MYLK3: variants seen among roughly 807,000 people sequenced by gnomAD.
The protein encoded by MYLK3 is myosin light chain kinase 3, also known as MLC kinase.
MYLK3 carries 55 observed loss-of-function variants against 76.3 expected under a neutral mutation model. That is an observed-to-expected ratio of 0.72 (90% CI 0.58 to 0.90). The LOEUF is 0.90. Among genes scored for constraint, MYLK3 ranks in the 40% least tolerant of loss-of-function variants. The pLI, the probability that MYLK3 is intolerant of heterozygous loss-of-function variation, is 0.00. For missense variants in MYLK3, 973 were observed against 1,053.6 expected, an observed-to-expected ratio of 0.92 and a Z score of 1.06; for synonymous variants, 416 against 425.4, an observed-to-expected ratio of 0.98 and a Z score of 0.27.
intron 1 of MYLK3, among the ~76,000 whole-genome samples, chr16:46,758,298 ACACACACTCTCTCT>A (rs764181077): frequency 2.3e-3 from 130 of 56,204 alleles, no homozygotes; most frequent in Non-Finnish European, 2.2e-3. Flanking sequence ...ACACACACAC[ACACACACTCTCTCT>A]CTCTCTCTCT....
chr16:46,759,604 C>G (rs1403155706), intron 1 of MYLK3, among the ~76,000 whole-genome samples: 1 of 151,628 alleles, frequency 6.6e-6, no homozygotes, highest in Non-Finnish European at 1.5e-5. Flanking sequence ...TCTTTTCTTT[C>G]CTATTTTTTC....
At chr16:46,750,678 G>C (rs911925362), upstream of MYLK3, among the ~76,000 whole-genome samples, 2 of 152,066 alleles carry the variant, frequency 1.3e-5, no homozygotes, top group Non-Finnish European at 2.9e-5. Flanking sequence ...TGGTGACAGA[G>C]CAAGACTGTG....
At chr16:46,715,491 T>G (rs973824725) in intron 9 of MYLK3, among the ~76,000 whole-genome samples, 1 of 152,224 alleles carries the variant, frequency 6.6e-6, no homozygotes, top group African/African-American at 2.4e-5. Flanking sequence ...TAAGGTCAAA[T>G]AGGAGACCGT....
Position 46,710,775 on chromosome 16 carries a change from G to T in MYLK3, c.2129C>A (p.Ser710Tyr). The T allele has an allele frequency of 1.2e-6, 2 of 1,606,186 alleles. No individual in the cohort carries two copies. Among genetic ancestry groups the T allele is most frequent in the Non-Finnish European group, 1.7e-6 (2 of 1,177,836 alleles). Residue 710 changes from serine to tyrosine, a missense_variant, in exon 11 of 13, where the codon TCC becomes TAC. Around this residue, in one of 2 missense-constraint regions of MYLK3, gnomAD observed 332 missense variants for 416.6 expected, o/e 0.80. Coordinates refer to ENST00000394809, the MANE Select transcript of MYLK3 (RefSeq NM_182493.3). ...VITYMLLSGLSPFLGETDAET... is the reference protein window; with the variant it reads ...VITYMLLSGLYPFLGETDAET... ...TGCATCTGTTTCCCCTAGAAATGGGGACAAGCCACTGAGTCTATAGAAGAG... is the reference window on the plus strand; with the variant it reads ...TGCATCTGTTTCCCCTAGAAATGGGTACAAGCCACTGAGTCTATAGAAGAG...
rs530813327 is a variant in MYLK3, at chr16:46,745,139, C to A, written c.477+2578G>T. Among the ~76,000 whole-genome samples, 12 of 152,316 alleles carry A rather than the reference C, an allele frequency of 7.9e-5. No homozygotes were observed. In the East Asian group the frequency reaches 2.1e-3, roughly 27 times the overall value. ...AGTAACTTCTTTGAAGGCTGACTTG[C>A]CTTTATCTGTATAAATTTACCATTT... On this transcript the variant is annotated intron_variant, in intron 1 of 12. Coordinates refer to ENST00000394809, the MANE Select transcript of MYLK3 (RefSeq NM_182493.3).
intron 3 of MYLK3, among the ~76,000 whole-genome samples, chr16:46,735,816 T>C (rs777484172): frequency 6.6e-6 from 1 of 152,190 alleles, no homozygotes; most frequent in Non-Finnish European, 1.5e-5. Flanking sequence ...CCAGCAGTCA[T>C]GACTTCCCTT....
At chr16:46,726,742 G>GAA in intron 8 of MYLK3, 3 of 136,280 alleles carry the variant, frequency 2.2e-5, no homozygotes, top group Non-Finnish European at 4.8e-5. Flanking sequence ...AGAAAAGAAA[G>GAA]AGAGAGAGAA....
chr16:46,724,723 G>C (rs1452172070), intron 8 of MYLK3, among the ~76,000 whole-genome samples: 1 of 152,126 alleles, frequency 6.6e-6, no homozygotes, highest in Non-Finnish European at 1.5e-5. Context: ...TTCAAAATTG[G>C]GAAAAGTTAG....
At position 46,707,911 on chromosome 16, in the gene MYLK3, A is replaced by G. The variant is rs1376728510; in HGVS notation, c.2401-148T>C. The G allele has an allele frequency of 7.4e-6, 4 of 540,778 alleles. No individual in the cohort carries two copies. The African/African-American group carries it at 7.8e-5, about 10-fold the overall frequency. The allele number at this position is 540,778 out of a possible 1,614,324, so 33.5% of individuals were successfully genotyped here. On this transcript the variant is annotated intron_variant, in intron 12 of 12. Transcript: ENST00000394809. ...TAAAGGGAAACAAGTTTCTAAAATAATTATAGAATAGTCACATGACTTTCA... is the reference window on the plus strand; with the variant it reads ...TAAAGGGAAACAAGTTTCTAAAATAGTTATAGAATAGTCACATGACTTTCA...
chr16:46,731,789 C>A (rs182986828), intron 4 of MYLK3, among the ~76,000 whole-genome samples: 1 of 152,084 alleles, frequency 6.6e-6, no homozygotes, highest in Non-Finnish European at 1.5e-5. Flanking sequence ...GGGCAGGTGG[C>A]GGTAAGAAAT....
In MYLK3 at chr16:46,738,060, G is replaced by C; in HGVS notation, c.652C>G (p.Gln218Glu). The C allele has an allele frequency of 6.2e-7, 1 of 1,607,332 alleles. No homozygotes were observed. The highest frequency in any genetic ancestry group is 1.1e-5 in the South Asian group (1 of 90,710). The change falls in exon 3 of 13, where the codon CAG becomes GAG. Residue 218 changes from glutamine (Q) to glutamate (E), a missense_variant. This residue lies in a region of MYLK3 where 641 missense variants were observed against 637.0 expected (regional missense o/e 1.01). Transcript: ENST00000394809. ...CCCTGGCCCGGTGAGACCACTGCCT[G>C]GGCGGGGTCAGCTCCCAGCCCTGAC... ...RASGLGADPAQAVVSPGQGDG... is the reference protein window; with the variant it reads ...RASGLGADPAEAVVSPGQGDG...
intron 1 of MYLK3, among the ~76,000 whole-genome samples, chr16:46,756,584 C>A (rs912055181): frequency 6.6e-6 from 1 of 152,132 alleles, no homozygotes; most frequent in Non-Finnish European, 1.5e-5. Flanking sequence ...TTATAACAGT[C>A]GTGTTGCAGC....
chr16:46,758,862 T>C (rs1967240383), intron 1 of MYLK3, among the ~76,000 whole-genome samples: 2 of 152,218 alleles, frequency 1.3e-5, no homozygotes, highest in South Asian at 4.2e-4. Context: ...CTCTGACGGT[T>C]GTCTGAGAAG....
At chr16:46,755,714 T>C (rs1967189079) in intron 1 of MYLK3, among the ~76,000 whole-genome samples, 1 of 152,104 alleles carries the variant, frequency 6.6e-6, no homozygotes, top group Non-Finnish European at 1.5e-5. Context: ...TATACTTCCT[T>C]GTTTGTAACA....
intron 1 of MYLK3, among the ~76,000 whole-genome samples, chr16:46,758,690 G>T (rs1255492804): frequency 2.0e-5 from 3 of 152,172 alleles, no homozygotes; most frequent in African/African-American, 7.2e-5. Flanking sequence ...AGATTCTGAC[G>T]CCCAGAGATG....
Position 46,707,460 on chromosome 16 carries a change from A to AT in MYLK3, c.*243dup. On this transcript the variant is annotated 3_prime_UTR_variant, in exon 13 of 13. Transcript: ENST00000394809. ...CCTACACTTACCACCAAAAGTAGGT[A>AT]TATTTGAAAGGTACTCAGAGCATTT... The AT allele has an allele frequency of 2.3e-6, 1 of 431,078 alleles. No homozygotes were observed. Among genetic ancestry groups the AT allele is most frequent in the Non-Finnish European group, 4.1e-6 (1 of 243,406 alleles). 26.7% of individuals were successfully genotyped at this position (431,078 alleles called of 1,614,324 possible). A position where few individuals can be genotyped will look rare whatever the true frequency, so the allele number is the denominator to read the frequency against.
intron 9 of MYLK3, among the ~76,000 whole-genome samples, chr16:46,717,110 G>T (rs1966748518): frequency 6.6e-6 from 1 of 152,196 alleles, no homozygotes; most frequent in African/African-American, 2.4e-5. Context: ...TCCATCAGAA[G>T]CTCCAGAGGC....
intron 9 of MYLK3, 58 bp from the exon 10 acceptor site, chr16:46,712,834 T>C: frequency 1.4e-6 from 2 of 1,453,854 alleles, no homozygotes; most frequent in Non-Finnish European, 1.8e-6. Flanking sequence ...GATGTGGTGC[T>C]GGGGCTCATT....
At chr16:46,748,811 C>A (rs1001893569), upstream of MYLK3, among the ~76,000 whole-genome samples, 1 of 152,238 alleles carries the variant, frequency 6.6e-6, no homozygotes, top group Non-Finnish European at 1.5e-5. The surrounding 1 kb of genome is among the most constrained non-coding windows in gnomAD (Gnocchi z 4.3). Context: ...ACTACACCAG[C>A]GTTCAGAACA....
Sources: allele counts gnomAD v4.1 joint callset (sites outside exome capture counted in the v4.1 genomes callset), GRCh38; gene constraint gnomAD v4.1.1; regional missense constraint gnomAD v4.1.1; non-coding constraint Gnocchi (gnomAD v3.1); transcripts MANE v1.5; gene names NCBI Gene and HGNC (gene_info 2026-07-23, HGNC 2026-07-21).